GUCY1A1: variants seen among roughly 807,000 people sequenced by gnomAD.
GUCY1A1 encodes the protein guanylate cyclase 1 soluble subunit alpha 1, also known as guanylate cyclase soluble subunit alpha-1.
A neutral mutation model predicts 64.5 loss-of-function variants in GUCY1A1; 48 were observed. The observed-to-expected ratio is 0.74, with a 90% CI of 0.59 to 0.95. GUCY1A1 has a LOEUF of 0.95. GUCY1A1 is among the 40% of genes least tolerant of loss of function. The pLI, the probability that GUCY1A1 is intolerant of heterozygous loss-of-function variation, is 0.00. For synonymous variants in GUCY1A1, 308 were observed against 303.4 expected, an observed-to-expected ratio of 1.02 and a Z score of -0.16; for missense variants, 804 against 825.3, an observed-to-expected ratio of 0.97 and a Z score of 0.32.
intron 3 of GUCY1A1, among the ~76,000 whole-genome samples, chr4:155,701,159 G>A (rs1204215708): frequency 6.6e-6 from 1 of 152,124 alleles, no homozygotes; most frequent in Non-Finnish European, 1.5e-5. Context: ...AAACATGTGA[G>A]TTCTGTCTCT....
Position 155,710,643 on chromosome 4 carries a change from A to G in GUCY1A1, c.478A>G (p.Lys160Glu), listed in dbSNP as rs1732434942. 1 of 1,613,830 alleles carries G rather than the reference A, an allele frequency of 6.2e-7. No individual in the cohort carries two copies. The highest frequency in any genetic ancestry group is 2.2e-5 in the East Asian group (1 of 44,864). The change falls in exon 6 of 10, where the codon AAA becomes GAA. Residue 160 changes from lysine to glutamate, a missense_variant. Lys to Glu is a moderately conservative substitution (Grantham distance 56). Transcript: ENST00000506455. ...CCTTGGGGTGGTTGGAGGCACCCTT[A>G]AAGATTTTTTAAACAGCTTCAGTAC... ...NILGVVGGTL[K>E]DFLNSFSTLL...
intron 5 of GUCY1A1, 152 bp from the exon 6 acceptor site, chr4:155,710,390 G>C: frequency 1.8e-6 from 1 of 563,488 alleles, no homozygotes; most frequent in Non-Finnish European, 3.2e-6. Context: ...TAGATAATTT[G>C]GATATAGGGG....
intron 2 of GUCY1A1, among the ~76,000 whole-genome samples, chr4:155,669,694 C>T (rs1437529896): frequency 1.3e-5 from 2 of 151,420 alleles, no homozygotes; most frequent in Admixed American, 6.6e-5. Flanking sequence ...ATTTTGTGAC[C>T]GAATTTTAAG....
Position 155,690,687 on chromosome 4 carries a change from C to T in GUCY1A1, c.-112-6069C>T, listed in dbSNP as rs539092182. Among the ~76,000 whole-genome samples the T allele has an allele frequency of 1.1e-4, 16 of 152,258 alleles. No homozygotes were observed. In the South Asian group the frequency reaches 1.2e-3, roughly 12 times the overall value. On this transcript the variant is annotated intron_variant, in intron 2 of 9. Coordinates refer to ENST00000506455, the MANE Select transcript of GUCY1A1 (RefSeq NM_001130682.3). Reference sequence around the variant, plus strand: ...TCTTTCTGGAACTCTCTTGGCCTGACGCAGCTCAGATGTTTCTGAGAGGAC... The same window carrying T: ...TCTTTCTGGAACTCTCTTGGCCTGATGCAGCTCAGATGTTTCTGAGAGGAC...
chr4:155,728,600 C>T (rs541154838), intron 9 of GUCY1A1, among the ~76,000 whole-genome samples: 1 of 151,912 alleles, frequency 6.6e-6, no homozygotes, highest in African/African-American at 2.4e-5. Flanking sequence ...TCAACTTTAC[C>T]AAGCATTAAT....
chr4:155,726,409 T>A (rs1734674754), intron 9 of GUCY1A1, among the ~76,000 whole-genome samples: 1 of 151,922 alleles, frequency 6.6e-6, no homozygotes. Flanking sequence ...TAGTCAACGG[T>A]AGGGGCATAA....
chr4:155,729,954 C>T, intron 9 of GUCY1A1, 76 bp from the exon 10 acceptor site: 2 of 866,956 alleles, frequency 2.3e-6, no homozygotes, highest in Non-Finnish European at 3.8e-6. Flanking sequence ...TTCTCAGTAA[C>T]ATTCAGTTAG....
intron 2 of GUCY1A1, among the ~76,000 whole-genome samples, chr4:155,682,225 C>T (rs1018972022): frequency 2.0e-5 from 3 of 152,030 alleles, no homozygotes; most frequent in Admixed American, 6.6e-5. Flanking sequence ...AAAAAATAAG[C>T]TCAAATTCTG....
chr4:155,683,234 T>C (rs977483203), intron 2 of GUCY1A1, among the ~76,000 whole-genome samples: 1 of 152,026 alleles, frequency 6.6e-6, no homozygotes, highest in Admixed American at 6.6e-5. Context: ...ACAACACTAA[T>C]AATAAGTAAA....
At position 155,715,576 on chromosome 4, in the gene GUCY1A1, C is replaced by T. The variant is rs115620868; in HGVS notation, c.1573-1583C>T. On this transcript the variant is annotated intron_variant, in intron 7 of 9. Transcript: ENST00000506455. The stretch of plus-strand genomic sequence containing the variant: ...AATGCCAGATTTCCATATGACGTGA[C>T]GAAGGGATGCAGTATGCACAAAGGG... 9.6e-3 allele frequency among the ~76,000 whole-genome samples: 1,456 copies of T among 152,176 alleles called. 32 individuals are homozygous for T. Among genetic ancestry groups the T allele is most frequent in the African/African-American group, 0.033 (1,390 of 41,512 alleles).
At chr4:155,712,040 A>G (rs1732639024) in intron 6 of GUCY1A1, among the ~76,000 whole-genome samples, 1 of 152,202 alleles carries the variant, frequency 6.6e-6, no homozygotes, top group African/African-American at 2.4e-5. Flanking sequence ...ATCATGAAAC[A>G]GTGTATTTTG....
rs547778837 is a variant in GUCY1A1 at position 155,685,355 on chromosome 4, A to G, written c.-112-11401A>G. ...ATGTGACCTCCATAGCAGTTACTCA[A>G]CTGCACAGTTTGAACACAGTAGCCA... On this transcript the variant is annotated intron_variant, in intron 2 of 9. Coordinates refer to ENST00000506455, the MANE Select transcript of GUCY1A1 (RefSeq NM_001130682.3). Among the ~76,000 whole-genome samples the G allele has an allele frequency of 1.1e-3, 167 of 152,322 alleles. 1 individual carries two copies. Among genetic ancestry groups the G allele is most frequent in the African/African-American group, 3.6e-3 (150 of 41,566 alleles).
chr4:155,713,048 A>G (rs757911311), intron 6 of GUCY1A1, 50 bp from the exon 7 acceptor site: 2 of 1,507,584 alleles, frequency 1.3e-6, no homozygotes, highest in Non-Finnish European at 9.0e-7. Context: ...TGTCTCAGAA[A>G]GATGTGGGAA....
At chr4:155,688,380 C>T (rs1378414100) in intron 2 of GUCY1A1, among the ~76,000 whole-genome samples, 1 of 152,070 alleles carries the variant, frequency 6.6e-6, no homozygotes, top group African/African-American at 2.4e-5. Context: ...GCCTTCCTGC[C>T]TGACCAAAAT....
At chr4:155,683,135 A>G (rs1271061043) in intron 2 of GUCY1A1, among the ~76,000 whole-genome samples, 2 of 152,308 alleles carry the variant, frequency 1.3e-5, no homozygotes, top group Admixed American at 1.3e-4. Context: ...TTACATGAGC[A>G]TTGTTGATTT....
At chr4:155,708,683 A>G (rs1408549577) in intron 5 of GUCY1A1, among the ~76,000 whole-genome samples, 1 of 152,210 alleles carries the variant, frequency 6.6e-6, no homozygotes, top group Non-Finnish European at 1.5e-5. Flanking sequence ...CACATTAATG[A>G]TTAGTTTGAG....
chr4:155,667,809 G>C (rs1449045692), intron 2 of GUCY1A1: 1 of 151,996 alleles, frequency 6.6e-6, no homozygotes, highest in African/African-American at 2.4e-5. Context: ...GCAGCGCTGC[G>C]GCCTCCGGCG....
At position 155,700,921 on chromosome 4, in the gene GUCY1A1, T is replaced by C. The variant is rs572320975; in HGVS notation, c.256-3011T>C. On this transcript the variant is annotated intron_variant, in intron 3 of 9. Coordinates refer to ENST00000506455, the MANE Select transcript of GUCY1A1 (RefSeq NM_001130682.3). ...AGTTCTAAAATCTGAAACCAAAAAT[T>C]AATATATAGAATTGTTGGGGTATGG... Among the ~76,000 whole-genome samples the C allele has an allele frequency of 5.9e-5, 9 of 152,310 alleles. 1 individual carries two copies. The highest frequency in any genetic ancestry group is 2.2e-4 in the African/African-American group (9 of 41,572).
rs190581831 is a variant in GUCY1A1 at position 155,672,547 on chromosome 4, T to A, written c.-113+5128T>A. ...GTCTCCACTTTCTGCAGAATAGATG[T>A]CAAGTAACTGCTATTAAAAACAAAA... On this transcript the variant is annotated intron_variant, in intron 2 of 9. Coordinates refer to ENST00000506455, the MANE Select transcript of GUCY1A1 (RefSeq NM_001130682.3). Among the ~76,000 whole-genome samples the A allele has an allele frequency of 1.3e-4, 20 of 152,312 alleles. No individual in the cohort carries two copies. The East Asian group carries it at 3.7e-3, about 28-fold the overall frequency.
Sources: allele counts gnomAD v4.1 joint callset (sites outside exome capture counted in the v4.1 genomes callset), GRCh38; gene constraint gnomAD v4.1.1; transcripts MANE v1.5; gene names NCBI Gene and HGNC (gene_info 2026-07-23, HGNC 2026-07-21).